Variants in SNTG2 observed in about 807,000 individuals in gnomAD.
The protein encoded by SNTG2 is gamma-2-syntrophin.
Under a neutral mutation model 70.9 loss-of-function variants are expected in SNTG2, and 74 were observed. That is an observed-to-expected ratio of 1.04 (90% CI 0.86 to 1.27). The LOEUF is 1.27. SNTG2 is among the 50% of genes most tolerant of loss of function. The pLI is 0.00. For missense variants in SNTG2, 717 were observed against 690.7 expected, an observed-to-expected ratio of 1.04 and a Z score of -0.43; for synonymous variants, 278 against 273.8, an observed-to-expected ratio of 1.02 and a Z score of -0.15.
rs748632360 is a variant in SNTG2 at position 1,165,631 on chromosome 2, G to T, written c.495G>T (p.Pro165=). The change falls in exon 7 of 17, where the codon CCG becomes CCT. Residue 165 remains proline (P), a synonymous_variant. Transcript: ENST00000308624. The part of the protein sequence containing the change: ...LREAPAFLKL[P]LGSPGPSSDH... ...AAGCGCCGGCATTTCTGAAGCTCCC[G>T]TTAGGTAAGTGGGAAGAGGAGAAAT... The T allele has an allele frequency of 5.0e-6, 8 of 1,611,856 alleles. No homozygotes were observed. The Admixed American group carries it at 8.4e-5, about 17-fold the overall frequency.
chr2:1,179,270 AT>A (rs1488952798), intron 8 of SNTG2, among the ~76,000 whole-genome samples: 14 of 152,110 alleles, frequency 9.2e-5, no homozygotes, highest in Admixed American at 2.6e-4. Context: ...GGATTAATTA[AT>A]TTTTTGAAGG....
chr2:1,304,559 C>T (rs1680592809), intron 14 of SNTG2, among the ~76,000 whole-genome samples: 2 of 152,028 alleles, frequency 1.3e-5, no homozygotes, highest in Admixed American at 6.6e-5. Flanking sequence ...AACCCCATGT[C>T]TACTAAAAAT....
intron 8 of SNTG2, among the ~76,000 whole-genome samples, chr2:1,180,841 G>T (rs1008841944): frequency 5.9e-5 from 9 of 151,956 alleles, no homozygotes; most frequent in African/African-American, 2.2e-4. Flanking sequence ...ATGATAGACT[G>T]GATTAAGAAA....
At chr2:1,084,448 G>A (rs1445906379) in intron 2 of SNTG2, among the ~76,000 whole-genome samples, 5 of 152,170 alleles carry the variant, frequency 3.3e-5, no homozygotes, top group African/African-American at 7.2e-5. Context: ...CCCTCCTTCT[G>A]TGGCTGGCAC....
chr2:981,232 C>T (rs927772009), intron 1 of SNTG2, among the ~76,000 whole-genome samples: 3 of 152,224 alleles, frequency 2.0e-5, no homozygotes, highest in African/African-American at 7.2e-5. Context: ...TGCCTGTTCT[C>T]CTCAAGGCTC....
At chr2:1,221,146 C>T (rs774355858) in intron 9 of SNTG2, among the ~76,000 whole-genome samples, 2 of 152,248 alleles carry the variant, frequency 1.3e-5, no homozygotes, top group African/African-American at 2.4e-5. Context: ...GGCTCCGTTA[C>T]GCTTTCTCTG....
chr2:1,131,538 C>A (rs1036753756), intron 4 of SNTG2, among the ~76,000 whole-genome samples: 1 of 152,184 alleles, frequency 6.6e-6, no homozygotes, highest in Admixed American at 6.5e-5. Context: ...ACACACTATT[C>A]ATTTCCCTCA....
intron 2 of SNTG2, among the ~76,000 whole-genome samples, chr2:1,086,301 G>T (rs575905546): frequency 6.6e-6 from 1 of 152,086 alleles, no homozygotes; most frequent in Non-Finnish European, 1.5e-5. Context: ...GAAGACACGG[G>T]CTCGCTCTCT....
chr2:968,405 A>AT (rs1236654856), intron 1 of SNTG2, among the ~76,000 whole-genome samples: 6 of 152,008 alleles, frequency 3.9e-5, no homozygotes, highest in African/African-American at 1.4e-4. Flanking sequence ...TTAATTATCA[A>AT]TTTTTAGTGT....
intron 15 of SNTG2, 41 bp from the exon 16 acceptor site, chr2:1,316,224 C>G (rs1293047757): frequency 2.1e-5 from 20 of 965,398 alleles, no homozygotes; most frequent in Non-Finnish European, 1.3e-5. Context: ...AATAAATGAG[C>G]TCTTGTTTAG....
intron 16 of SNTG2, among the ~76,000 whole-genome samples, chr2:1,347,081 G>A (rs981100692): frequency 1.4e-5 from 1 of 69,974 alleles, no homozygotes; most frequent in Non-Finnish European, 2.6e-5. Flanking sequence ...AAAGGAATTT[G>A]GGAAAGAGGA....
intron 8 of SNTG2, among the ~76,000 whole-genome samples, chr2:1,174,657 G>T (rs1671352933): frequency 6.6e-6 from 1 of 152,094 alleles, no homozygotes; most frequent in Non-Finnish European, 1.5e-5. Context: ...ACACAGCTCT[G>T]GGAAATTCCA....
chr2:1,209,012 G>A (rs1359721533), intron 8 of SNTG2, 91 bp from the exon 9 acceptor site: 3 of 1,497,912 alleles, frequency 2.0e-6, no homozygotes, highest in African/African-American at 2.8e-5. Flanking sequence ...TGTTGGACTT[G>A]AGTTCTGTGT....
chr2:1,221,465 G>GTCTCTCTCTGTC (rs1191385872), intron 9 of SNTG2, among the ~76,000 whole-genome samples: 3 of 20,784 alleles, frequency 1.4e-4, no homozygotes, highest in Non-Finnish European at 1.6e-4. Context: ...CTCTGTCTCT[G>GTCTCTCTCTGTC]TCTCTCTGTC....
At chr2:999,522 A>T (rs1210423782) in intron 1 of SNTG2, among the ~76,000 whole-genome samples, 1 of 152,082 alleles carries the variant, frequency 6.6e-6, no homozygotes, top group African/African-American at 2.4e-5. Context: ...CAGGCTTTAA[A>T]TATACAACCA....
chr2:1,269,103 G>T (rs1426088237), intron 14 of SNTG2, among the ~76,000 whole-genome samples: 1 of 152,176 alleles, frequency 6.6e-6, no homozygotes, highest in Non-Finnish European at 1.5e-5. Context: ...GTAGTGAAAT[G>T]AATGTCTGAA....
intron 16 of SNTG2, among the ~76,000 whole-genome samples, chr2:1,359,137 A>G (rs1015930918): frequency 2.0e-5 from 3 of 152,208 alleles, no homozygotes; most frequent in Non-Finnish European, 4.4e-5. Context: ...AACAAAAAAT[A>G]TATTTGTTTC....
At chr2:1,077,906 CA>C (rs1664031474) in intron 1 of SNTG2, among the ~76,000 whole-genome samples, 1 of 152,122 alleles carries the variant, frequency 6.6e-6, no homozygotes, top group South Asian at 2.1e-4. Flanking sequence ...ATACACCCTA[CA>C]GGTACCCGAG....
intron 8 of SNTG2, among the ~76,000 whole-genome samples, chr2:1,181,959 G>A (rs1238117185): frequency 6.6e-6 from 1 of 152,202 alleles, no homozygotes; most frequent in Admixed American, 6.5e-5. Context: ...TGGAAGTACA[G>A]AATCCATTGA....
Sources: gnomAD v4.1 joint callset for allele counts (sites outside exome capture counted in the v4.1 genomes callset) on GRCh38, gnomAD v4.1.1 for gene constraint, MANE v1.5 for transcripts, NCBI Gene and HGNC (gene_info 2026-07-23, HGNC 2026-07-21) for gene names.